Variants in KAT6A observed in about 807,000 individuals in gnomAD.
KAT6A encodes lysine acetyltransferase 6A, also known as histone acetyltransferase KAT6A.
In KAT6A, 9 loss-of-function variants were observed where a neutral mutation model predicts 198.4. The observed-to-expected ratio is 0.05, with a 90% CI of 0.03 to 0.08. The LOEUF (loss-of-function observed/expected upper bound fraction) is 0.08, where lower values mean the gene tolerates loss of function less well. Among genes scored for constraint, KAT6A ranks in the 10% least tolerant of loss-of-function variants. The probability of loss-of-function intolerance (pLI) is 1.00; values close to 1 mark genes in which losing one functional copy is unlikely to be tolerated. For synonymous variants in KAT6A, 890 were observed against 883.0 expected, an observed-to-expected ratio of 1.01 and a Z score of -0.14; for missense variants, 2,077 against 2,509.9, an observed-to-expected ratio of 0.83 and a Z score of 3.69.
rs1587721889 is a variant in KAT6A, at chr8:41,942,799, C to A, written c.2430G>T (p.Glu810Asp). ...EEPQCQEREL[E>D]ISVGKSVSHE... is the part of the protein sequence containing the mutation. ...AGACTATTCATGCCCTTACACTGAT[C>A]TCTAATTCTCTTTCCTGGCACTGTG... The change falls in exon 14 of 17, where the codon GAG becomes GAT. Residue 810 changes from glutamate (E) to aspartate (D), a missense_variant. Coordinates refer to ENST00000265713, the MANE Select transcript of KAT6A (RefSeq NM_006766.5). 3.1e-6 allele frequency: 5 copies of A among 1,614,124 alleles called. No individual in the cohort carries two copies. In the East Asian group the frequency reaches 8.9e-5, roughly 29 times the overall value.
intron 2 of KAT6A, among the ~76,000 whole-genome samples, chr8:42,040,341 G>A (rs1324630840): frequency 1.3e-5 from 2 of 152,148 alleles, no homozygotes; most frequent in African/African-American, 4.8e-5. Flanking sequence ...GGTACCCGAT[G>A]TCTTCATTAA....
chr8:41,968,781 TTTTTTATGC>T (rs1353560860), intron 8 of KAT6A, among the ~76,000 whole-genome samples: 1 of 152,182 alleles, frequency 6.6e-6, no homozygotes, highest in East Asian at 1.9e-4. Context: ...TACTACTAAT[TTTTTTATGC>T]TTCCACTTTT....
chr8:41,991,251 AAT>A (rs1247562790), intron 2 of KAT6A, among the ~76,000 whole-genome samples: 4 of 152,206 alleles, frequency 2.6e-5, no homozygotes, highest in Non-Finnish European at 4.4e-5. Context: ...TTACCCAAAT[AAT>A]TAGGTGGTTA....
chr8:41,959,685 C>T (rs761505993), intron 8 of KAT6A, among the ~76,000 whole-genome samples: 9 of 152,084 alleles, frequency 5.9e-5, no homozygotes, highest in Non-Finnish European at 1.2e-4. Context: ...TGGTTGGGCG[C>T]TGGTGGCTCA....
intron 2 of KAT6A, among the ~76,000 whole-genome samples, chr8:42,008,372 C>CT (rs765857191): frequency 2.0e-5 from 3 of 152,134 alleles, no homozygotes; most frequent in Non-Finnish European, 4.4e-5. Flanking sequence ...GGGTCTCACT[C>CT]TGTCGCCCAG....
intron 10 of KAT6A, 127 bp from the exon 11 acceptor site, chr8:41,948,039 A>G: frequency 1.5e-6 from 1 of 657,998 alleles, no homozygotes; most frequent in South Asian, 3.1e-5. Flanking sequence ...TGACCAGAAC[A>G]CTTTGGAACC....
intron 8 of KAT6A, among the ~76,000 whole-genome samples, chr8:41,971,709 C>T (rs1402111979): frequency 1.3e-5 from 2 of 151,630 alleles, no homozygotes; most frequent in African/African-American, 4.8e-5. Flanking sequence ...AATAATTACC[C>T]TGGCCGCTGT....
In KAT6A at chr8:41,937,278, A is replaced by G. The variant is rs752259628; in HGVS notation, c.3330T>C (p.Asp1110=). ...TACCATCAGCATCATCTGACTCTTC[A>G]TCTTCTTCTTCATCTTTAGACTTCC... ...SKRKSKDEEE[D]EESDDADDTP... The change falls in exon 16 of 17, where the codon GAT becomes GAC. Residue 1110 remains aspartate, a synonymous_variant. Transcript: ENST00000265713. The G allele has an allele frequency of 6.2e-7, 1 of 1,613,598 alleles. No individual in the cohort carries two copies. The highest frequency in any genetic ancestry group is 8.5e-7 in the Non-Finnish European group (1 of 1,179,670).
At chr8:42,036,134 T>A (rs1190707109) in intron 2 of KAT6A, among the ~76,000 whole-genome samples, 1 of 152,044 alleles carries the variant, frequency 6.6e-6, no homozygotes, top group Admixed American at 6.5e-5. Context: ...ATTATCTCTA[T>A]GATGTAGCAT....
chr8:42,011,130 C>T (rs1826000357), intron 2 of KAT6A, among the ~76,000 whole-genome samples: 1 of 152,178 alleles, frequency 6.6e-6, no homozygotes, highest in African/African-American at 2.4e-5. Flanking sequence ...GCTTCAGTCA[C>T]TTGCAACCCC....
intron 1 of KAT6A, among the ~76,000 whole-genome samples, chr8:42,050,732 G>C (rs1174170162): frequency 6.6e-6 from 1 of 152,116 alleles, no homozygotes; most frequent in Non-Finnish European, 1.5e-5. Flanking sequence ...TAAATGAGAA[G>C]CTACATCCTG....
intron 1 of KAT6A, chr8:42,049,526 G>A (rs534896741): frequency 6.3e-6 from 1 of 158,950 alleles, no homozygotes; most frequent in African/African-American, 2.4e-5. Context: ...AGGATACAAT[G>A]AGGAAACACG....
chr8:41,985,535 G>A (rs1172253340), intron 3 of KAT6A, among the ~76,000 whole-genome samples: 1 of 152,148 alleles, frequency 6.6e-6, no homozygotes, highest in Admixed American at 6.5e-5. Flanking sequence ...CCGTATCCAT[G>A]CTTCTCCCTC....
rs942669185 is a variant in KAT6A, at chr8:41,941,519, T to C, written c.2437-75A>G. On this transcript the variant is annotated intron_variant, in intron 14 of 16. Coordinates refer to ENST00000265713, the MANE Select transcript of KAT6A (RefSeq NM_006766.5). Reference sequence around the variant, plus strand: ...CTTACATTTACCTATTCTGACCTTTTAAGTATTGAGAGAAGAAAAGGAAAC... The same window carrying C: ...CTTACATTTACCTATTCTGACCTTTCAAGTATTGAGAGAAGAAAAGGAAAC... 8 of 1,435,704 alleles carry C rather than the reference T, an allele frequency of 5.6e-6. No individual in the cohort carries two copies. The African/African-American group carries it at 1.1e-4, about 20-fold the overall frequency. 88.9% of individuals were successfully genotyped at this position (1,435,704 alleles called of 1,614,324 possible).
intron 2 of KAT6A, among the ~76,000 whole-genome samples, chr8:42,032,743 A>G (rs1483828463): frequency 6.6e-6 from 1 of 152,186 alleles, no homozygotes; most frequent in Non-Finnish European, 1.5e-5. Context: ...TGGCATCAAC[A>G]AGAGCAAAAA....
In KAT6A at chr8:41,958,882, G is replaced by A. The variant is rs189225330; in HGVS notation, c.1483-3471C>T. Among the ~76,000 whole-genome samples, 6 of 152,266 alleles carry A rather than the reference G, an allele frequency of 3.9e-5. No homozygotes were observed. In the East Asian group the frequency reaches 5.8e-4, roughly 15 times the overall value. On this transcript the variant is annotated intron_variant, in intron 8 of 16. Coordinates refer to ENST00000265713, the MANE Select transcript of KAT6A (RefSeq NM_006766.5). Reference sequence around the variant, plus strand: ...ATTGCAAAATGAGTTAGAAAAGGCCGGGCGTGGTGGCTCACGCCTGTAATC... The same window carrying A: ...ATTGCAAAATGAGTTAGAAAAGGCCAGGCGTGGTGGCTCACGCCTGTAATC...
chr8:41,957,296 TC>T (rs773400761), intron 8 of KAT6A: 25 of 563,038 alleles, frequency 4.4e-5, no homozygotes, highest in Non-Finnish European at 7.6e-5. Context: ...CACTCCCAGC[TC>T]CCCTGAGCAA....
intron 2 of KAT6A, among the ~76,000 whole-genome samples, chr8:42,030,259 T>G (rs753714422): frequency 6.6e-5 from 10 of 152,168 alleles, no homozygotes; most frequent in Non-Finnish European, 1.2e-4. Flanking sequence ...CAGGAGTCCA[T>G]GGTGGGAACA....
chr8:41,961,806 C>T (rs1350824732), intron 8 of KAT6A, among the ~76,000 whole-genome samples: 1 of 148,648 alleles, frequency 6.7e-6, no homozygotes, highest in African/African-American at 2.5e-5. Context: ...CTCTATCCAA[C>T]TCTCCCTTTC....
Sources: allele counts gnomAD v4.1 joint callset (sites outside exome capture counted in the v4.1 genomes callset), GRCh38; gene constraint gnomAD v4.1.1; transcripts MANE v1.5; gene names NCBI Gene and HGNC (gene_info 2026-07-23, HGNC 2026-07-21).